The following TXLNB variants were observed in gnomAD, a reference collection of about 807,000 sequenced individuals.
TXLNB encodes the protein taxilin beta, also known as beta-taxilin.
A neutral mutation model predicts 57.4 loss-of-function variants in TXLNB; 37 were observed. The observed-to-expected ratio is 0.64, with a 90% CI of 0.50 to 0.85. TXLNB has a LOEUF of 0.85. Among genes scored for constraint, TXLNB ranks in the 40% least tolerant of loss-of-function variants. The pLI, the probability that TXLNB is intolerant of heterozygous loss-of-function variation, is 0.00. For synonymous variants in TXLNB, 302 were observed against 309.6 expected (o/e 0.98, Z 0.26); for missense variants, 848 against 825.6 (o/e 1.03, Z -0.33).
upstream of TXLNB, among the ~76,000 whole-genome samples, chr6:139,294,783 A>T (rs1407634807): frequency 6.6e-6 from 1 of 152,174 alleles, no homozygotes; most frequent in Non-Finnish European, 1.5e-5. Context: ...TGAGGTCAGG[A>T]GTTCAAGATC....
the TXLNB span, among the ~76,000 whole-genome samples, chr6:139,207,219 C>T: frequency 6.6e-6 from 1 of 152,108 alleles, no homozygotes; most frequent in Non-Finnish European, 1.5e-5. Flanking sequence ...CCAAGATAGA[C>T]CATATGATAG....
chr6:139,255,729 G>A, intron 6 of TXLNB, 91 bp from the exon 7 acceptor site: 2 of 948,596 alleles, frequency 2.1e-6, no homozygotes, highest in South Asian at 1.4e-5. Flanking sequence ...TTAGCAACCT[G>A]CTCATTAACC....
chr6:139,210,783 T>C, the TXLNB span, among the ~76,000 whole-genome samples: 2,274 of 152,270 alleles, frequency 0.015, 39 homozygotes, highest in African/African-American at 0.048. Context: ...ACTCCCACCC[T>C]AATACTGCGC....
At chr6:139,295,231 C>T (rs979617247), upstream of TXLNB, among the ~76,000 whole-genome samples, 5 of 152,082 alleles carry the variant, frequency 3.3e-5, no homozygotes, top group South Asian at 2.1e-4. Flanking sequence ...ATAATACAAA[C>T]ATGCAAAACT....
chr6:139,237,100 G>T (rs1775844059), downstream of TXLNB, among the ~76,000 whole-genome samples: 1 of 152,026 alleles, frequency 6.6e-6, no homozygotes, highest in Non-Finnish European at 1.5e-5. Context: ...TCCTTTCATT[G>T]TTCTTAATAG....
chr6:139,246,985 C>G, intron 8 of TXLNB, among the ~76,000 whole-genome samples: 1 of 151,832 alleles, frequency 6.6e-6, no homozygotes, highest in East Asian at 1.9e-4. Context: ...TGAGCAAGAA[C>G]ACACCAGAAT....
the TXLNB span, among the ~76,000 whole-genome samples, chr6:139,227,870 C>T: frequency 6.6e-6 from 1 of 152,174 alleles, no homozygotes; most frequent in Non-Finnish European, 1.5e-5. Context: ...CTCATATACA[C>T]ACACAGGCAA....
chr6:139,214,240 G>C, the TXLNB span, among the ~76,000 whole-genome samples: 1 of 152,100 alleles, frequency 6.6e-6, no homozygotes, highest in East Asian at 1.9e-4. Flanking sequence ...TAAAACACTG[G>C]CAAACTGAAT....
the TXLNB span, among the ~76,000 whole-genome samples, chr6:139,303,799 CAG>C: frequency 6.7e-6 from 1 of 148,960 alleles, no homozygotes; most frequent in Non-Finnish European, 1.5e-5. Context: ...AGTTTTGACA[CAG>C]AAATAATCTA....
the TXLNB span, chr6:139,166,943 A>G: frequency 4.3e-6 from 7 of 1,614,178 alleles, no homozygotes; most frequent in South Asian, 3.3e-5. Flanking sequence ...CAAGAAGGCC[A>G]TGGCTGGGGG....
chr6:139,210,189 A>C, the TXLNB span, among the ~76,000 whole-genome samples: 1 of 151,886 alleles, frequency 6.6e-6, no homozygotes, highest in Non-Finnish European at 1.5e-5. Flanking sequence ...GAATGTCCAT[A>C]AATAAAAAAT....
At chr6:139,256,608 G>A (rs1468128567) in intron 6 of TXLNB, among the ~76,000 whole-genome samples, 4 of 152,240 alleles carry the variant, frequency 2.6e-5, no homozygotes, top group African/African-American at 7.2e-5. Flanking sequence ...GATCATAGGC[G>A]TGAGCCGCCG....
At chr6:139,312,663 G>C in the TXLNB span, among the ~76,000 whole-genome samples, 1 of 127,134 alleles carries the variant, frequency 7.9e-6, no homozygotes, top group African/African-American at 3.2e-5. Flanking sequence ...ACTTGAATAT[G>C]AACCCCAAAA....
At chr6:139,212,772 G>GAA in the TXLNB span, among the ~76,000 whole-genome samples, 1 of 152,090 alleles carries the variant, frequency 6.6e-6, no homozygotes, top group Non-Finnish European at 1.5e-5. Flanking sequence ...CAAAATAAAG[G>GAA]GATGCAGGAA....
upstream of TXLNB, among the ~76,000 whole-genome samples, chr6:139,292,307 G>A (rs1050263821): frequency 5.1e-4 from 78 of 152,308 alleles, 1 homozygote; most frequent in African/African-American, 1.7e-3. This position sits in a 1 kb window ranked among gnomAD's most constrained non-coding sequence, Gnocchi z 4.0. Context: ...TAAACTCTGA[G>A]TATATTACCC....
the TXLNB span, among the ~76,000 whole-genome samples, chr6:139,226,934 T>C: frequency 6.6e-6 from 1 of 152,128 alleles, no homozygotes; most frequent in South Asian, 2.1e-4. Flanking sequence ...GGCTTAGGCA[T>C]GAGCATTCCT....
chr6:139,182,966 T>G, the TXLNB span: 4 of 152,194 alleles, frequency 2.6e-5, no homozygotes, highest in Non-Finnish European at 5.9e-5. Flanking sequence ...GATTAAAAAT[T>G]TAGATATCTA....
At chr6:139,207,671 C>G in the TXLNB span, among the ~76,000 whole-genome samples, 2 of 152,078 alleles carry the variant, frequency 1.3e-5, no homozygotes, top group African/African-American at 4.8e-5. Context: ...AAAAGAACTA[C>G]AAACAATAAA....
In TXLNB at chr6:139,242,747, C is replaced by G. The variant is rs148532287; in HGVS notation, c.1834G>C (p.Gly612Arg). Residue 612 changes from glycine to arginine, a missense_variant, in exon 10 of 10, where the codon GGT becomes CGT. Physicochemically the swap from Gly to Arg is moderately radical, Grantham distance 125. Coordinates refer to ENST00000358430, the MANE Select transcript of TXLNB (RefSeq NM_153235.4). ...TCGGTGGGAGCCTGTGGGGCCTGAC[C>G]GGAAGCTTCTGCCTCTGGCTTCCAG... ...ASWKPEAEAS[G>R]QAPQAPTEAS... is the part of the protein sequence containing the mutation. 1 of 1,613,610 alleles carries G rather than the reference C, an allele frequency of 6.2e-7. No homozygotes were observed. Among genetic ancestry groups the G allele is most frequent in the South Asian group, 1.1e-5 (1 of 91,030 alleles).
Sources: gnomAD v4.1 joint callset for allele counts (sites outside exome capture counted in the v4.1 genomes callset) on GRCh38, gnomAD v4.1.1 for gene constraint, Gnocchi (gnomAD v3.1) non-coding constraint, MANE v1.5 for transcripts, NCBI Gene and HGNC (gene_info 2026-07-23, HGNC 2026-07-21) for gene names.